The following ASTN2 variants were observed in gnomAD, a reference collection of about 807,000 sequenced individuals.
ASTN2 encodes the protein astrotactin 2, also known as astrotactin-2.
ASTN2 carries 54 observed loss-of-function variants against 139.8 expected under a neutral mutation model. The observed-to-expected ratio is 0.39, with a 90% confidence interval of 0.31 to 0.48. ASTN2 has a LOEUF of 0.48. Among genes scored for constraint, ASTN2 ranks in the 20% least tolerant of loss-of-function variants. ASTN2 has a pLI of 0.95. For synonymous variants in ASTN2, 756 were observed against 719.5 expected (o/e 1.05, Z -0.81); for missense variants, 1,565 against 1,725.1 (o/e 0.91, Z 1.64).
chr9:117,277,464 T>A (rs1286730279), intron 2 of ASTN2, among the ~76,000 whole-genome samples: 1 of 152,198 alleles, frequency 6.6e-6, no homozygotes, highest in Admixed American at 6.5e-5. Context: ...GGAACCTTGG[T>A]GCCCTGTTAG....
intron 3 of ASTN2, among the ~76,000 whole-genome samples, chr9:117,166,704 C>A (rs954972182): frequency 6.6e-6 from 1 of 152,130 alleles, no homozygotes; most frequent in Non-Finnish European, 1.5e-5. Context: ...TCCTGACCCT[C>A]TGCAGTAAGT....
At chr9:117,038,976 T>C (rs1838473231) in intron 6 of ASTN2, among the ~76,000 whole-genome samples, 1 of 152,190 alleles carries the variant, frequency 6.6e-6, no homozygotes, top group South Asian at 2.1e-4. Flanking sequence ...ATATGAATAT[T>C]ATCCAAGACA....
intron 1 of ASTN2, among the ~76,000 whole-genome samples, chr9:117,356,559 G>A (rs2130888345): frequency 1.3e-5 from 2 of 152,252 alleles, no homozygotes; most frequent in African/African-American, 4.8e-5. Context: ...TGCCAGCACT[G>A]GCTCTACAGT....
intron 11 of ASTN2, among the ~76,000 whole-genome samples, chr9:116,855,886 T>G (rs1832725713): frequency 6.6e-6 from 1 of 152,190 alleles, no homozygotes; most frequent in South Asian, 2.1e-4. Flanking sequence ...TCTCTATATA[T>G]CCGTATCAGT....
chr9:117,044,911 G>A (rs1026856065), intron 5 of ASTN2, among the ~76,000 whole-genome samples: 14 of 152,178 alleles, frequency 9.2e-5, no homozygotes, highest in Non-Finnish European at 1.9e-4. Flanking sequence ...ATTTTACAGA[G>A]AGTAGAAGTG....
At chr9:117,132,762 G>A (rs1409490477) in intron 4 of ASTN2, among the ~76,000 whole-genome samples, 5 of 152,122 alleles carry the variant, frequency 3.3e-5, no homozygotes, top group Admixed American at 1.3e-4. Flanking sequence ...GAGACCTGAG[G>A]TCAACAGACA....
At chr9:116,585,537 C>T (rs1032561296) in intron 19 of ASTN2, 6 of 152,142 alleles carry the variant, frequency 3.9e-5, no homozygotes, top group Non-Finnish European at 8.8e-5. Flanking sequence ...ATCTGGTCTT[C>T]TACAAAGTTG....
chr9:117,287,996 C>T (rs926862530), intron 2 of ASTN2, among the ~76,000 whole-genome samples: 7 of 152,256 alleles, frequency 4.6e-5, no homozygotes, highest in East Asian at 1.9e-4. Flanking sequence ...ATGTGCCTAA[C>T]GTAAAATTAC....
intron 19 of ASTN2, among the ~76,000 whole-genome samples, chr9:116,531,255 C>A (rs753012754): frequency 6.6e-6 from 1 of 152,132 alleles, no homozygotes; most frequent in Non-Finnish European, 1.5e-5. Context: ...ACCTTTCATT[C>A]GTATTTATGT....
intron 11 of ASTN2, among the ~76,000 whole-genome samples, chr9:116,847,583 C>G (rs1184306694): frequency 6.6e-6 from 1 of 152,212 alleles, no homozygotes; most frequent in Non-Finnish European, 1.5e-5. Context: ...CTTAATGGCA[C>G]TTATCATGTG....
intron 11 of ASTN2, among the ~76,000 whole-genome samples, chr9:116,821,793 G>C (rs766340643): frequency 6.6e-6 from 1 of 152,044 alleles, no homozygotes; most frequent in Non-Finnish European, 1.5e-5. Flanking sequence ...GAACGCTCTT[G>C]TCAGTGGGTC....
At chr9:117,319,952 T>C (rs1828276452) in intron 1 of ASTN2, among the ~76,000 whole-genome samples, 1 of 152,188 alleles carries the variant, frequency 6.6e-6, no homozygotes, top group South Asian at 2.1e-4. Flanking sequence ...AACATCAGAA[T>C]TGATTCACTG....
At chr9:117,250,296 C>G (rs563704997) in intron 2 of ASTN2, among the ~76,000 whole-genome samples, 3 of 152,134 alleles carry the variant, frequency 2.0e-5, no homozygotes, top group African/African-American at 4.8e-5. Flanking sequence ...CCCATTGAGG[C>G]CCCTGCCCTC....
intron 19 of ASTN2, among the ~76,000 whole-genome samples, chr9:116,581,433 C>T (rs1853947772): frequency 6.6e-6 from 1 of 152,148 alleles, no homozygotes; most frequent in Non-Finnish European, 1.5e-5. Context: ...TATCATGTTG[C>T]TCCTGCATTG....
chr9:116,668,799 A>G (rs1344963533), intron 16 of ASTN2, among the ~76,000 whole-genome samples: 1 of 152,222 alleles, frequency 6.6e-6, no homozygotes, highest in African/African-American at 2.4e-5. Flanking sequence ...AGAGGAATGC[A>G]GTATTTTGCT....
intron 1 of ASTN2, among the ~76,000 whole-genome samples, chr9:117,372,171 CA>C (rs1830007677): frequency 6.6e-6 from 1 of 152,166 alleles, no homozygotes; most frequent in South Asian, 2.1e-4. Context: ...TGCACATTAG[CA>C]TCCAGTCAAT....
At chr9:117,363,528 C>A (rs942745649) in intron 1 of ASTN2, among the ~76,000 whole-genome samples, 1 of 152,138 alleles carries the variant, frequency 6.6e-6, no homozygotes, top group East Asian at 1.9e-4. Context: ...GAGACACAAG[C>A]ACCCGTGATT....
intron 17 of ASTN2, among the ~76,000 whole-genome samples, chr9:116,629,112 CTTTT>C (rs57200909): frequency 0.026 from 2,646 of 100,600 alleles, 40 homozygotes; most frequent in African/African-American, 0.11. Context: ...TCCAGTAACT[CTTTT>C]TTTTTTTTTT....
chr9:116,946,469 G>A (rs563406584), intron 10 of ASTN2, among the ~76,000 whole-genome samples: 2 of 152,068 alleles, frequency 1.3e-5, no homozygotes, highest in South Asian at 2.1e-4. Context: ...CTCTGATAAC[G>A]ATTATTGGTT....
Sources: allele counts gnomAD v4.1 joint callset (sites outside exome capture counted in the v4.1 genomes callset), GRCh38; gene constraint gnomAD v4.1.1; transcripts MANE v1.5; gene names NCBI Gene and HGNC (gene_info 2026-07-23, HGNC 2026-07-21).